The following AUTS2 variants were observed in gnomAD, a reference collection of about 807,000 sequenced individuals.
AUTS2 encodes the protein autism susceptibility gene 2 protein.
AUTS2 carries 17 observed loss-of-function variants against 112.4 expected under a neutral mutation model. The ratio of observed to expected loss-of-function variants is 0.15; its 90% CI spans 0.10 to 0.23. The LOEUF is 0.23. AUTS2 is among the 10% of genes least tolerant of loss of function. The pLI is 1.00. For synonymous variants in AUTS2, 751 were observed against 702.7 expected, an observed-to-expected ratio of 1.07 and a Z score of -1.09; for missense variants, 1,510 against 1,701.6, an observed-to-expected ratio of 0.89 and a Z score of 1.98.
In AUTS2 at chr7:70,784,976, ACCT is replaced by A. The variant is rs142157196; in HGVS notation, c.2186_2188del (p.Pro729del). 208 of 1,614,048 alleles carry A rather than the reference ACCT, an allele frequency of 1.3e-4. 1 individual carries two copies. In the East Asian group the frequency reaches 4.4e-3, roughly 34 times the overall value. On this transcript the variant is annotated inframe_deletion, in exon 16 of 19. Coordinates refer to ENST00000342771, the MANE Select transcript of AUTS2 (RefSeq NM_015570.4). ...ACCCAACTGGGACCCCTTTTGGGCCACCTCCTCATCACAGCAACTTCCTCAACC... is the reference window on the plus strand; with the variant it reads ...ACCCAACTGGGACCCCTTTTGGGCCACCTCATCACAGCAACTTCCTCAACC...
chr7:69,882,329 AT>A (rs1226892738), intron 1 of AUTS2, among the ~76,000 whole-genome samples: 1 of 151,970 alleles, frequency 6.6e-6, no homozygotes, highest in East Asian at 1.9e-4. Flanking sequence ...TAAGTAAATA[AT>A]TTTTTTAAAA....
intron 2 of AUTS2, among the ~76,000 whole-genome samples, chr7:70,100,585 C>A (rs370709217): frequency 6.6e-6 from 1 of 151,962 alleles, no homozygotes; most frequent in Non-Finnish European, 1.5e-5. Context: ...CCCAGCCCCC[C>A]ACCCCACAAT....
chr7:70,410,804 C>T (rs910332254), intron 4 of AUTS2, among the ~76,000 whole-genome samples: 3 of 151,368 alleles, frequency 2.0e-5, no homozygotes, highest in South Asian at 2.1e-4. Context: ...AATAGTCATC[C>T]CCTACATATG....
chr7:70,669,831 A>G (rs1807544212), intron 5 of AUTS2, among the ~76,000 whole-genome samples: 1 of 152,212 alleles, frequency 6.6e-6, no homozygotes, highest in Non-Finnish European at 1.5e-5. Flanking sequence ...AGAAAAACGA[A>G]CACAATTAGC....
chr7:69,648,100 G>A (rs541643922), intron 1 of AUTS2, among the ~76,000 whole-genome samples: 6 of 152,154 alleles, frequency 3.9e-5, no homozygotes, highest in South Asian at 4.2e-4. Flanking sequence ...TATTTCTGAG[G>A]GGACACAATT....
At position 70,784,986 on chromosome 7, in the gene AUTS2, C is replaced by T; in HGVS notation, c.2191C>T (p.His731Tyr). Residue 731 changes from histidine to tyrosine, a missense_variant, in exon 16 of 19, where the codon CAC becomes TAC. By Grantham distance (83) the His-to-Tyr change is moderately conservative. Coordinates refer to ENST00000342771, the MANE Select transcript of AUTS2 (RefSeq NM_015570.4). ...TGTPFGPPPH[H>Y]SNFLNPAAHL... ...GACCCCTTTTGGGCCACCTCCTCAT[C>T]ACAGCAACTTCCTCAACCCTGCTGC... The T allele has an allele frequency of 6.2e-7, 1 of 1,614,180 alleles. No homozygotes were observed. The highest frequency in any genetic ancestry group is 8.5e-7 in the Non-Finnish European group (1 of 1,180,040).
chr7:69,685,686 A>T (rs1254762198), intron 1 of AUTS2, among the ~76,000 whole-genome samples: 1 of 151,964 alleles, frequency 6.6e-6, no homozygotes, highest in Non-Finnish European at 1.5e-5. Flanking sequence ...TTGCAATGGT[A>T]GAAGTAGAGT....
intron 2 of AUTS2, among the ~76,000 whole-genome samples, chr7:69,998,579 C>T (rs1370801156): frequency 6.6e-6 from 1 of 152,126 alleles, no homozygotes; most frequent in Non-Finnish European, 1.5e-5. Context: ...CATACATGCA[C>T]CTGTTTGTTT....
chr7:70,275,586 G>A (rs745749559), intron 4 of AUTS2, among the ~76,000 whole-genome samples: 4 of 152,092 alleles, frequency 2.6e-5, no homozygotes, highest in Non-Finnish European at 5.9e-5. Flanking sequence ...CACAGACACT[G>A]GTATGATTTG....
At chr7:70,139,860 G>A (rs1213010487) in intron 4 of AUTS2, among the ~76,000 whole-genome samples, 1 of 152,046 alleles carries the variant, frequency 6.6e-6, no homozygotes, top group African/African-American at 2.4e-5. Flanking sequence ...AATTAACTGG[G>A]CGTGGTGGCA....
intron 5 of AUTS2, among the ~76,000 whole-genome samples, chr7:70,587,239 G>A (rs568573068): frequency 6.6e-6 from 1 of 152,030 alleles, no homozygotes; most frequent in African/African-American, 2.4e-5. Flanking sequence ...CACCATGCGG[G>A]CTAATTTTTT....
chr7:70,738,332 T>G (rs1248444775), intron 6 of AUTS2, among the ~76,000 whole-genome samples: 1 of 151,858 alleles, frequency 6.6e-6, no homozygotes, highest in African/African-American at 2.4e-5. Context: ...CTGGAGCAGA[T>G]GAAAAGGCTA....
intron 2 of AUTS2, among the ~76,000 whole-genome samples, chr7:69,921,108 C>T (rs192612066): frequency 3.9e-5 from 6 of 152,120 alleles, no homozygotes; most frequent in East Asian, 1.9e-4. Flanking sequence ...TCAGAGATGG[C>T]GAGTTGTGTG....
intron 2 of AUTS2, among the ~76,000 whole-genome samples, chr7:69,927,787 G>A (rs1796080648): frequency 6.6e-6 from 1 of 152,224 alleles, no homozygotes; most frequent in Admixed American, 6.5e-5. Flanking sequence ...TGGACCAGAT[G>A]TACCACAAGT....
At chr7:69,814,165 T>C (rs141205664) in intron 1 of AUTS2, among the ~76,000 whole-genome samples, 1 of 152,236 alleles carries the variant, frequency 6.6e-6, no homozygotes, top group Non-Finnish European at 1.5e-5. Flanking sequence ...TACTTTTTGT[T>C]GCTTTAACAT....
chr7:70,450,233 T>C (rs572435653), intron 5 of AUTS2, among the ~76,000 whole-genome samples: 23 of 152,142 alleles, frequency 1.5e-4, no homozygotes, highest in Non-Finnish European at 3.2e-4. Flanking sequence ...TAGAAAACCT[T>C]CAGGGAAATA....
intron 1 of AUTS2, 108 bp from the exon 2 acceptor site, chr7:69,899,178 C>T: frequency 1.3e-6 from 1 of 782,264 alleles, no homozygotes; most frequent in Non-Finnish European, 2.1e-6. Context: ...CTTTCCTATC[C>T]CTCTCCCACT....
At chr7:70,401,998 A>C (rs1028198429) in intron 4 of AUTS2, among the ~76,000 whole-genome samples, 3 of 152,226 alleles carry the variant, frequency 2.0e-5, no homozygotes, top group Non-Finnish European at 4.4e-5. Flanking sequence ...ATAACCTTCT[A>C]TACACATTTT....
intron 2 of AUTS2, among the ~76,000 whole-genome samples, chr7:70,084,440 G>A (rs1471979796): frequency 6.6e-6 from 1 of 152,184 alleles, no homozygotes; most frequent in African/African-American, 2.4e-5. Flanking sequence ...TATGCTAAAT[G>A]TTCTAAGAAA....
Sources: allele counts gnomAD v4.1 joint callset (sites outside exome capture counted in the v4.1 genomes callset), GRCh38; gene constraint gnomAD v4.1.1; transcripts MANE v1.5; gene names NCBI Gene and HGNC (gene_info 2026-07-23, HGNC 2026-07-21).